Variants in DYNC1I1 observed in about 807,000 individuals in gnomAD.
DYNC1I1 encodes the protein cytoplasmic dynein 1 intermediate chain 1.
In DYNC1I1, 43 loss-of-function variants were observed where a neutral mutation model predicts 86.6. The observed-to-expected ratio is 0.50, with a 90% CI of 0.39 to 0.64. The LOEUF (loss-of-function observed/expected upper bound fraction) is 0.64. DYNC1I1 is among the 30% of genes least tolerant of loss of function. The pLI, the probability that DYNC1I1 is intolerant of heterozygous loss-of-function variation, is 0.00. For missense variants in DYNC1I1, 604 were observed against 788.8 expected (o/e 0.77, Z 2.81); for synonymous variants, 262 against 283.7 (o/e 0.92, Z 0.77).
At chr7:95,913,587 C>G (rs1791393617) in intron 6 of DYNC1I1, among the ~76,000 whole-genome samples, 1 of 152,222 alleles carries the variant, frequency 6.6e-6, no homozygotes, top group Non-Finnish European at 1.5e-5. Context: ...CTTTGCTCTT[C>G]CTTTGCCTTC....
chr7:95,866,902 A>G (rs1790030413), intron 5 of DYNC1I1, among the ~76,000 whole-genome samples: 1 of 152,230 alleles, frequency 6.6e-6, no homozygotes, highest in East Asian at 1.9e-4. Flanking sequence ...TGTCTTAGGT[A>G]CAAGTCAGAC....
chr7:95,882,020 A>AT (rs1188324048), intron 6 of DYNC1I1, among the ~76,000 whole-genome samples: 3 of 151,876 alleles, frequency 2.0e-5, no homozygotes, highest in African/African-American at 4.8e-5. Flanking sequence ...ATTCATATGT[A>AT]TTTTTTTTAT....
intron 6 of DYNC1I1, among the ~76,000 whole-genome samples, chr7:95,951,365 G>A (rs192740067): frequency 6.6e-6 from 1 of 152,272 alleles, no homozygotes; most frequent in East Asian, 1.9e-4. Flanking sequence ...AGGAGAGGCA[G>A]TCATGCTTAT....
intron 5 of DYNC1I1, among the ~76,000 whole-genome samples, chr7:95,830,584 T>G (rs192896934): frequency 7.2e-4 from 109 of 152,322 alleles, no homozygotes; most frequent in Admixed American, 5.0e-3. Context: ...TACCACAGTT[T>G]GTTTATCCAG....
intron 10 of DYNC1I1, among the ~76,000 whole-genome samples, chr7:96,021,618 A>G (rs1794553499): frequency 6.6e-6 from 1 of 152,148 alleles, no homozygotes; most frequent in East Asian, 1.9e-4. Context: ...TAATTCCAGA[A>G]CATTTTTATC....
chr7:96,004,677 C>CAA (rs1273175354), intron 10 of DYNC1I1, among the ~76,000 whole-genome samples: 2 of 149,566 alleles, frequency 1.3e-5, no homozygotes, highest in Admixed American at 6.7e-5. Flanking sequence ...CACACACACA[C>CAA]AACCAAGACT....
At chr7:96,062,208 G>A (rs939916828) in intron 14 of DYNC1I1, among the ~76,000 whole-genome samples, 2 of 152,180 alleles carry the variant, frequency 1.3e-5, no homozygotes, top group African/African-American at 4.8e-5. Flanking sequence ...GTAAAGTCAG[G>A]TGGTTTCAAG....
At chr7:96,100,581 T>G (rs556447690), downstream of DYNC1I1, among the ~76,000 whole-genome samples, 1 of 151,630 alleles carries the variant, frequency 6.6e-6, no homozygotes, top group South Asian at 2.1e-4. Context: ...GGGATTAGAT[T>G]TTGAGGTGTT....
intron 14 of DYNC1I1, among the ~76,000 whole-genome samples, chr7:96,062,685 C>A (rs1031715813): frequency 5.9e-5 from 9 of 152,126 alleles, no homozygotes; most frequent in African/African-American, 1.9e-4. Context: ...ACCTCAGGAA[C>A]CTATTCAACA....
chr7:96,067,382 A>G (rs1040273147), intron 14 of DYNC1I1, among the ~76,000 whole-genome samples: 1 of 151,740 alleles, frequency 6.6e-6, no homozygotes, highest in African/African-American at 2.4e-5. Context: ...TAAGATGGCA[A>G]ACATTAAAAT....
intron 10 of DYNC1I1, among the ~76,000 whole-genome samples, chr7:96,017,580 A>G (rs1276452668): frequency 1.3e-5 from 2 of 152,150 alleles, no homozygotes; most frequent in Non-Finnish European, 2.9e-5. Context: ...TCTCTCTCTC[A>G]ATGAGACAAC....
intron 4 of DYNC1I1, among the ~76,000 whole-genome samples, chr7:95,814,856 GGCA>G (rs1440617096): frequency 6.6e-6 from 1 of 152,024 alleles, no homozygotes; most frequent in Non-Finnish European, 1.5e-5. Context: ...TGTGATTTGG[GGCA>G]GCACATGTCT....
exon 17 of DYNC1I1, chr7:96,109,993 G>T: frequency 7.8e-6 from 3 of 386,878 alleles, no homozygotes; most frequent in Admixed American, 6.1e-5. Context: ...TTGCTATGTT[G>T]CCAGGCTGGT....
At chr7:96,025,873 A>C (rs910712295) in intron 10 of DYNC1I1, among the ~76,000 whole-genome samples, 17 of 152,186 alleles carry the variant, frequency 1.1e-4, no homozygotes, top group African/African-American at 3.9e-4. Context: ...TTTAGCTGAA[A>C]CACAGAAGCA....
chr7:96,107,216 G>C (rs1433892195), intron 16 of DYNC1I1, among the ~76,000 whole-genome samples: 1 of 151,886 alleles, frequency 6.6e-6, no homozygotes, highest in Non-Finnish European at 1.5e-5. Context: ...TTTTAGTAGA[G>C]ACAGGGTTTC....
chr7:95,862,399 A>G (rs970345942), intron 5 of DYNC1I1, among the ~76,000 whole-genome samples: 1 of 152,176 alleles, frequency 6.6e-6, no homozygotes, highest in African/African-American at 2.4e-5. Flanking sequence ...CAAAAATTCA[A>G]ATAGGCATGT....
chr7:95,884,197 T>C (rs553657699), intron 6 of DYNC1I1, among the ~76,000 whole-genome samples: 5 of 152,284 alleles, frequency 3.3e-5, no homozygotes, highest in East Asian at 3.9e-4. Flanking sequence ...TGTCTGGCAA[T>C]GTTGTAGACT....
chr7:96,083,512 C>T (rs527438436), intron 16 of DYNC1I1, among the ~76,000 whole-genome samples: 24 of 152,000 alleles, frequency 1.6e-4, no homozygotes, highest in African/African-American at 5.8e-4. Context: ...ACTATAGGAT[C>T]GTTCACCAGC....
At chr7:96,084,642 C>T (rs1191234242) in intron 16 of DYNC1I1, among the ~76,000 whole-genome samples, 1 of 151,946 alleles carries the variant, frequency 6.6e-6, no homozygotes, top group Non-Finnish European at 1.5e-5. Flanking sequence ...AGGCTGGTCT[C>T]GAACTCCTGA....
Sources: allele counts gnomAD v4.1 joint callset (sites outside exome capture counted in the v4.1 genomes callset), GRCh38; gene constraint gnomAD v4.1.1; transcripts MANE v1.5; gene names NCBI Gene and HGNC (gene_info 2026-07-23, HGNC 2026-07-21).